RCBTB2: variants seen among roughly 807,000 people sequenced by gnomAD.
RCBTB2 encodes RCC1 and BTB domain-containing protein 2.
RCBTB2 carries 55 observed loss-of-function variants against 65.4 expected under a neutral mutation model. The observed-to-expected ratio is 0.84, with a 90% CI of 0.68 to 1.05. The LOEUF is 1.05. RCBTB2 is among the 50% of genes least tolerant of loss of function. The probability of loss-of-function intolerance (pLI) is 0.00; values close to 1 mark genes in which losing one functional copy is unlikely to be tolerated. For missense variants in RCBTB2, 599 were observed against 680.1 expected (o/e 0.88, Z 1.33); for synonymous variants, 220 against 255.2 (o/e 0.86, Z 1.31).
chr13:48,524,216 CCT>C (rs1951582214), intron 2 of RCBTB2, among the ~76,000 whole-genome samples: 1 of 151,976 alleles, frequency 6.6e-6, no homozygotes, highest in African/African-American at 2.4e-5. Flanking sequence ...ATTACCTTAC[CCT>C]GTTATCCATG....
intron 14 of RCBTB2, among the ~76,000 whole-genome samples, chr13:48,493,225 T>TCTCACACACACACA (rs772712475): frequency 1.8e-5 from 2 of 109,128 alleles, no homozygotes; most frequent in African/African-American, 1.1e-4. Flanking sequence ...GTACCCTCCT[T>TCTCACACACACACA]CACACACACA....
chr13:48,497,076 G>C (rs1361670510), intron 13 of RCBTB2, among the ~76,000 whole-genome samples: 1 of 152,172 alleles, frequency 6.6e-6, no homozygotes, highest in African/African-American at 2.4e-5. Flanking sequence ...GGCTTTGAGG[G>C]TGCAATATTC....
In RCBTB2 at chr13:48,489,738, C is replaced by T. The variant is rs9332079; in HGVS notation, c.*373G>A. ...GTGCTGAAAATGTGGTAAGGACAGA[C>T]AGCACTCCTTGTCAAGCTATCTATG... is the stretch of plus-strand genomic sequence containing the variant. On this transcript the variant is annotated 3_prime_UTR_variant, in exon 15 of 15. Transcript: ENST00000344532. 6.2e-4 allele frequency: 160 copies of T among 256,102 alleles called. 4 individuals carry two copies. In the South Asian group the frequency reaches 6.8e-3, roughly 11 times the overall value. The allele number at this position is 256,102 out of a possible 1,614,324, so 15.9% of individuals were successfully genotyped here. A position where few individuals can be genotyped will look rare whatever the true frequency, so the allele number is the denominator to read the frequency against.
chr13:48,506,164 A>G (rs536884505), intron 10 of RCBTB2, among the ~76,000 whole-genome samples: 1 of 152,342 alleles, frequency 6.6e-6, no homozygotes, highest in East Asian at 1.9e-4. Context: ...CAGGACCAAC[A>G]TGCAGGCAGA....
intron 10 of RCBTB2, among the ~76,000 whole-genome samples, chr13:48,508,440 ACT>A (rs1950612744): frequency 6.7e-6 from 1 of 150,318 alleles, no homozygotes; most frequent in Non-Finnish European, 1.5e-5. Flanking sequence ...ACAGAGTCTC[ACT>A]CTACTGCCCA....
intron 11 of RCBTB2, among the ~76,000 whole-genome samples, chr13:48,502,072 T>C (rs759261336): frequency 6.6e-6 from 1 of 152,240 alleles, no homozygotes; most frequent in Admixed American, 6.5e-5. Flanking sequence ...TATCTGCTTA[T>C]AAATCTGGCA....
At chr13:48,504,907 C>T (rs1014770744) in intron 10 of RCBTB2, among the ~76,000 whole-genome samples, 7 of 152,040 alleles carry the variant, frequency 4.6e-5, no homozygotes, top group East Asian at 3.9e-4. Context: ...TTCTCATGTG[C>T]GGTAATCTCA....
rs755382725 is a variant in RCBTB2 at position 48,521,879 on chromosome 13, G to A, written c.42+19C>T. ...TGCAACAGAACACACATGCTCCAAG[G>A]GCATGATTTTTTTCTAACCTTGCCA... is the stretch of plus-strand genomic sequence containing the variant. On this transcript the variant is annotated intron_variant, in intron 4 of 14. Coordinates refer to ENST00000344532, the MANE Select transcript of RCBTB2 (RefSeq NM_001268.4). 8.1e-6 allele frequency: 13 copies of A among 1,611,144 alleles called. No individual in the cohort carries two copies. The South Asian group carries it at 1.3e-4, about 16-fold the overall frequency.
intron 1 of RCBTB2, among the ~76,000 whole-genome samples, chr13:48,530,771 T>C (rs183402380): frequency 2.0e-4 from 30 of 152,394 alleles, no homozygotes; most frequent in African/African-American, 7.2e-4. Context: ...CTTCATTTGA[T>C]GTGCTAAGTT....
intron 12 of RCBTB2, among the ~76,000 whole-genome samples, chr13:48,500,856 T>C (rs1005750499): frequency 6.6e-6 from 1 of 152,196 alleles, no homozygotes; most frequent in Non-Finnish European, 1.5e-5. Context: ...TGCAGGTTGA[T>C]GTGATATAGA....
intron 14 of RCBTB2, among the ~76,000 whole-genome samples, chr13:48,490,944 C>G (rs1949672065): frequency 1.3e-5 from 2 of 152,178 alleles, no homozygotes; most frequent in African/African-American, 4.8e-5. Flanking sequence ...TAATAATTCT[C>G]TTGATTAGAA....
chr13:48,501,683 T>C, intron 12 of RCBTB2, 59 bp downstream of exon 12: 1 of 1,471,642 alleles, frequency 6.8e-7, no homozygotes, highest in South Asian at 1.2e-5. Context: ...AGTTGGACAC[T>C]TAGAATATAA....
At chr13:48,517,231 C>A (rs190292809) in intron 4 of RCBTB2, among the ~76,000 whole-genome samples, 7 of 152,188 alleles carry the variant, frequency 4.6e-5, no homozygotes, top group Non-Finnish European at 5.9e-5. Context: ...GGACAGAGAC[C>A]GAGTCTTTCA....
upstream of RCBTB2, chr13:48,533,180 G>C: frequency 2.7e-6 from 1 of 369,868 alleles, no homozygotes; most frequent in Non-Finnish European, 5.4e-6. Flanking sequence ...CGGAAACGAA[G>C]GGAGCGCAGA....
In RCBTB2 at chr13:48,527,358, T is replaced by TC. The variant is rs1225625802; in HGVS notation, c.-218-2602_-218-2601insG. 4.9e-5 allele frequency among the ~76,000 whole-genome samples: 5 copies of TC among 102,264 alleles called. No homozygotes were observed. In the African/African-American group the frequency reaches 5.7e-4, roughly 12 times the overall value. The allele number at this position is 102,264 out of a possible 152,430, so 67.1% of individuals were successfully genotyped here. A position where few individuals can be genotyped will look rare whatever the true frequency, so the allele number is the denominator to read the frequency against. On this transcript the variant is annotated intron_variant, in intron 1 of 14. Coordinates refer to ENST00000344532, the MANE Select transcript of RCBTB2 (RefSeq NM_001268.4). ...ATATGATATATATATATATGATATA[T>TC]ATTTATATATGATATATATATATGA...
upstream of RCBTB2, among the ~76,000 whole-genome samples, chr13:48,534,447 T>G (rs1014438135): frequency 6.6e-6 from 1 of 152,176 alleles, no homozygotes. Flanking sequence ...CCCAAGAGAT[T>G]AAGTTTCTTT....
At chr13:48,507,560 C>T (rs1412157324) in intron 10 of RCBTB2, among the ~76,000 whole-genome samples, 1 of 152,120 alleles carries the variant, frequency 6.6e-6, no homozygotes, top group Admixed American at 6.5e-5. Flanking sequence ...AGCTTATTGG[C>T]TATGAAGTAC....
chr13:48,493,892 A>G (rs1949858555), intron 14 of RCBTB2, among the ~76,000 whole-genome samples: 1 of 152,134 alleles, frequency 6.6e-6, no homozygotes, highest in Admixed American at 6.6e-5. Flanking sequence ...GTTCATTTGC[A>G]GTACCCCAGT....
intron 12 of RCBTB2, among the ~76,000 whole-genome samples, chr13:48,500,916 G>A (rs1257107577): frequency 6.6e-6 from 1 of 152,188 alleles, no homozygotes; most frequent in Admixed American, 6.5e-5. Context: ...AGGAACTTGA[G>A]ACTAAAATGC....
Sources: allele counts gnomAD v4.1 joint callset (sites outside exome capture counted in the v4.1 genomes callset), GRCh38; gene constraint gnomAD v4.1.1; transcripts MANE v1.5; gene names NCBI Gene and HGNC (gene_info 2026-07-23, HGNC 2026-07-21).